The following ADCY1 variants were observed in gnomAD, a reference collection of about 807,000 sequenced individuals.
The protein encoded by ADCY1 is adenylate cyclase 1.
A neutral mutation model predicts 105.4 loss-of-function variants in ADCY1; 28 were observed. The observed-to-expected ratio is 0.27, with a 90% CI of 0.20 to 0.36. The LOEUF (loss-of-function observed/expected upper bound fraction) is 0.36. ADCY1 is among the 10% of genes least tolerant of loss of function. ADCY1 has a pLI of 1.00. For synonymous variants in ADCY1, 655 were observed against 623.8 expected (o/e 1.05, Z -0.75); for missense variants, 977 against 1,434.2 (o/e 0.68, Z 5.15).
At position 45,627,781 on chromosome 7, in the gene ADCY1, A is replaced by T. The variant is rs552263433; in HGVS notation, c.1020+5038A>T. ...CTTAGGGCTCAACTATCTGTGCATG[A>T]TGGCTCTGAAGAGCAGGGGCCACTT... On this transcript the variant is annotated intron_variant, in intron 4 of 19. Coordinates refer to ENST00000297323, the MANE Select transcript of ADCY1 (RefSeq NM_021116.4). Among the ~76,000 whole-genome samples, 5 of 152,244 alleles carry T rather than the reference A, an allele frequency of 3.3e-5. No individual in the cohort carries two copies. The East Asian group carries it at 9.7e-4, about 29-fold the overall frequency.
chr7:45,681,828 G>A (rs1484789345), intron 11 of ADCY1, among the ~76,000 whole-genome samples: 3 of 152,294 alleles, frequency 2.0e-5, no homozygotes, highest in East Asian at 1.9e-4. Context: ...CTGAGTGGAC[G>A]CGGTGGGTCA....
intron 4 of ADCY1, among the ~76,000 whole-genome samples, chr7:45,623,446 G>A (rs1250523257): frequency 6.6e-6 from 1 of 152,190 alleles, no homozygotes; most frequent in African/African-American, 2.4e-5. Flanking sequence ...GCTCCTGAGG[G>A]GCTGCCACTG....
rs930912163 is a variant in ADCY1, at chr7:45,714,488, G to A, written c.*493G>A. ...ACAGGCGGCTCCAGCCCTGGGCAGCGGCTTCAAGAGCCAGAGTGGGAAGTC... is the reference window on the plus strand; with the variant it reads ...ACAGGCGGCTCCAGCCCTGGGCAGCAGCTTCAAGAGCCAGAGTGGGAAGTC... On this transcript the variant is annotated 3_prime_UTR_variant, in exon 20 of 20. Transcript: ENST00000297323. 3.1e-5 allele frequency: 5 copies of A among 163,806 alleles called. No individual in the cohort carries two copies. The highest frequency in any genetic ancestry group is 1.7e-4 in the Admixed American group (3 of 17,216). 10.1% of individuals were successfully genotyped at this position (163,806 alleles called of 1,614,324 possible).
At chr7:45,632,231 T>TA (rs1420107878) in intron 4 of ADCY1, among the ~76,000 whole-genome samples, 1 of 152,234 alleles carries the variant, frequency 6.6e-6, no homozygotes, top group Non-Finnish European at 1.5e-5. Context: ...TTTTATAATG[T>TA]ATAGTCTGGA....
intron 5 of ADCY1, among the ~76,000 whole-genome samples, chr7:45,652,012 T>A (rs933358240): frequency 6.6e-6 from 1 of 152,192 alleles, no homozygotes; most frequent in Non-Finnish European, 1.5e-5. Flanking sequence ...TTCTACAGGC[T>A]GTACAGGAGG....
intron 4 of ADCY1, among the ~76,000 whole-genome samples, chr7:45,633,055 T>A (rs559326338): frequency 2.2e-4 from 34 of 152,072 alleles, no homozygotes; most frequent in Non-Finnish European, 1.3e-4. Flanking sequence ...GTAACTGAGA[T>A]TACAGGCACA....
At chr7:45,685,123 G>A in intron 12 of ADCY1, 55 bp downstream of exon 12, 1 of 1,505,762 alleles carries the variant, frequency 6.6e-7, no homozygotes, top group East Asian at 2.3e-5. Flanking sequence ...ATGGCATGGA[G>A]GACCAGCCCA....
intron 2 of ADCY1, among the ~76,000 whole-genome samples, chr7:45,596,357 T>TGG (rs149751253): frequency 0.03 from 4,529 of 149,850 alleles, 88 homozygotes; most frequent in African/African-American, 0.053. Context: ...AGAGGGGATA[T>TGG]GGGGGGATGT....
At position 45,714,348 on chromosome 7, in the gene ADCY1, T is replaced by G; in HGVS notation, c.*353T>G. 1 of 260,890 alleles carries G rather than the reference T, an allele frequency of 3.8e-6. No homozygotes were observed. The highest frequency in any genetic ancestry group is 7.3e-6 in the Non-Finnish European group (1 of 136,596). 16.2% of individuals were successfully genotyped at this position (260,890 alleles called of 1,614,324 possible). A position where few individuals can be genotyped will look rare whatever the true frequency, so the allele number is the denominator to read the frequency against. On this transcript the variant is annotated 3_prime_UTR_variant, in exon 20 of 20. Transcript: ENST00000297323. The stretch of plus-strand genomic sequence containing the variant: ...CATCAATGTAAGGACCTTCAGAGCA[T>G]CCCAGGGTTACAGCAAGAGCCACTG...
intron 1 of ADCY1, among the ~76,000 whole-genome samples, chr7:45,589,047 G>GT (rs1301372356): frequency 6.6e-6 from 1 of 152,156 alleles, no homozygotes; most frequent in Non-Finnish European, 1.5e-5. Context: ...AGGTACTACA[G>GT]TTGTCACCAA....
At chr7:45,687,685 G>T (rs1182139377) in intron 14 of ADCY1, among the ~76,000 whole-genome samples, 1 of 152,204 alleles carries the variant, frequency 6.6e-6, no homozygotes, top group Admixed American at 6.5e-5. Flanking sequence ...ATCTCATTCA[G>T]TCTTCAGAAC....
chr7:45,626,560 C>A (rs1794066132), intron 4 of ADCY1, among the ~76,000 whole-genome samples: 1 of 152,222 alleles, frequency 6.6e-6, no homozygotes, highest in Non-Finnish European at 1.5e-5. Flanking sequence ...CAGCTGAGAG[C>A]TCCACGTGCC....
intron 2 of ADCY1, among the ~76,000 whole-genome samples, chr7:45,601,358 A>G (rs1793231568): frequency 6.6e-6 from 1 of 152,168 alleles, no homozygotes; most frequent in South Asian, 2.1e-4. Flanking sequence ...AACTGGCTCC[A>G]GGCCTCAGAT....
At position 45,717,048 on chromosome 7, in the gene ADCY1, T is replaced by A. The variant is rs1032817896; in HGVS notation, c.*3053T>A. On this transcript the variant is annotated 3_prime_UTR_variant, in exon 20 of 20. Coordinates refer to ENST00000297323, the MANE Select transcript of ADCY1 (RefSeq NM_021116.4). ...TCGCCCCAGAGCCTCCAGGCGTGAG[T>A]GGAGCCCAGTCCAGCGACACCTTGG... 1 of 152,044 alleles carries A rather than the reference T, an allele frequency of 6.6e-6. No homozygotes were observed. Among genetic ancestry groups the A allele is most frequent in the African/African-American group, 2.4e-5 (1 of 41,356 alleles). 9.4% of individuals were successfully genotyped at this position (152,044 alleles called of 1,614,324 possible). A position where few individuals can be genotyped will look rare whatever the true frequency, so the allele number is the denominator to read the frequency against.
intron 3 of ADCY1, among the ~76,000 whole-genome samples, chr7:45,620,215 T>C (rs1336612084): frequency 6.6e-6 from 1 of 151,980 alleles, no homozygotes; most frequent in African/African-American, 2.4e-5. Flanking sequence ...AATTAAAGAG[T>C]GTCATTGTGG....
intron 4 of ADCY1, among the ~76,000 whole-genome samples, chr7:45,634,117 T>G (rs928152651): frequency 1.3e-5 from 2 of 152,204 alleles, no homozygotes; most frequent in Non-Finnish European, 2.9e-5. Flanking sequence ...CTGAGCTCAC[T>G]CATTTCTGGT....
At chr7:45,597,837 C>T (rs897856497) in intron 2 of ADCY1, among the ~76,000 whole-genome samples, 3 of 152,210 alleles carry the variant, frequency 2.0e-5, no homozygotes, top group African/African-American at 7.2e-5. Flanking sequence ...TGTTTCATTG[C>T]ACTACTTCCT....
At chr7:45,643,075 C>T (rs925969599) in intron 4 of ADCY1, among the ~76,000 whole-genome samples, 1 of 148,730 alleles carries the variant, frequency 6.7e-6, no homozygotes, top group Non-Finnish European at 1.5e-5. Context: ...CCTATTTTGG[C>T]AAGTGGGAGC....
rs914017763 is a variant in ADCY1 at position 45,579,874 on chromosome 7, T to G, written c.639+4692T>G. Among the ~76,000 whole-genome samples, 7 of 152,264 alleles carry G rather than the reference T, an allele frequency of 4.6e-5. No individual in the cohort carries two copies. The South Asian group carries it at 1.4e-3, about 32-fold the overall frequency. ...CTCGCTGCTTCCTCCAGCTCCAGAT[T>G]GCCCCCAGGCCTGTGTTTAGTGTTT... On this transcript the variant is annotated intron_variant, in intron 1 of 19. Transcript: ENST00000297323.
Sources: gnomAD v4.1 joint callset for allele counts (sites outside exome capture counted in the v4.1 genomes callset) on GRCh38, gnomAD v4.1.1 for gene constraint, MANE v1.5 for transcripts, NCBI Gene and HGNC (gene_info 2026-07-23, HGNC 2026-07-21) for gene names.